The following TEX11 variants were observed in gnomAD, a reference collection of about 807,000 sequenced individuals.
The protein encoded by TEX11 is testis expressed 11, also known as testis-expressed protein 11.
A neutral mutation model predicts 84.4 loss-of-function variants in TEX11; 7 were observed. The observed-to-expected ratio is 0.08, with a 90% CI of 0.05 to 0.16. The LOEUF (loss-of-function observed/expected upper bound fraction) is 0.16, where lower values mean the gene tolerates loss of function less well. TEX11 is among the 10% of genes least tolerant of loss of function. TEX11 has a pLI of 1.00. For synonymous variants in TEX11, 264 were observed against 222.8 expected (o/e 1.18, Z -1.64); for missense variants, 551 against 660.5 (o/e 0.83, Z 1.82).
At chrX:70,769,557 A>AT (rs1041738616) in intron 9 of TEX11, among the ~76,000 whole-genome samples, 1 of 111,696 alleles carries the variant, frequency 9.0e-6, no homozygotes, top group African/African-American at 3.2e-5. Context: ...AAGGTGAATC[A>AT]TTTTTTCAAA....
At chrX:70,796,634 T>C (rs2091157266) in intron 9 of TEX11, among the ~76,000 whole-genome samples, 1 of 112,132 alleles carries the variant, frequency 8.9e-6, no homozygotes, top group Non-Finnish European at 1.9e-5. Context: ...ACTAAAGAAC[T>C]GCTGCACAGC....
chrX:70,611,446 G>A (rs2089259760), intron 20 of TEX11, among the ~76,000 whole-genome samples: 1 of 111,801 alleles, frequency 8.9e-6, no homozygotes, highest in South Asian at 3.7e-4. Flanking sequence ...GGCTCAGTGT[G>A]GACAAGTCTG....
chrX:70,785,277 G>A (rs888374249), intron 9 of TEX11, among the ~76,000 whole-genome samples: 1 of 111,720 alleles, frequency 9.0e-6, no homozygotes, highest in African/African-American at 3.3e-5. Flanking sequence ...AGCCATATGT[G>A]GAAAGCTGAA....
intron 13 of TEX11, among the ~76,000 whole-genome samples, chrX:70,717,508 AG>A (rs1272437591): frequency 3.6e-5 from 4 of 111,141 alleles, no homozygotes. Flanking sequence ...CAGTAGAGAC[AG>A]GGGTTTGCCA....
chrX:70,579,562 C>T (rs1334523990), intron 25 of TEX11, among the ~76,000 whole-genome samples: 1 of 109,123 alleles, frequency 9.2e-6, no homozygotes, highest in African/African-American at 3.3e-5. Flanking sequence ...AGACAATCCA[C>T]AGAATGGGAA....
At chrX:70,679,391 C>A (rs1207703765) in intron 14 of TEX11, among the ~76,000 whole-genome samples, 2 of 107,598 alleles carry the variant, frequency 1.9e-5, no homozygotes, top group African/African-American at 6.8e-5. Flanking sequence ...CGTCTCTGCC[C>A]GGCCGCCCAT....
chrX:70,783,677 A>G (rs1367097521), intron 9 of TEX11, among the ~76,000 whole-genome samples: 2 of 112,222 alleles, frequency 1.8e-5, no homozygotes, highest in Non-Finnish European at 3.8e-5. Context: ...ACAAACTGCC[A>G]TCAGAGAATA....
chrX:70,714,851 A>G (rs921820408), intron 13 of TEX11, among the ~76,000 whole-genome samples: 2 of 111,121 alleles, frequency 1.8e-5, no homozygotes, highest in African/African-American at 6.5e-5. Flanking sequence ...TTAGCTGGTT[A>G]TTTTGCTCGT....
chrX:70,631,944 GA>G (rs2147564498), intron 17 of TEX11, among the ~76,000 whole-genome samples: 1 of 81,480 alleles, frequency 1.2e-5, no homozygotes, highest in Non-Finnish European at 2.3e-5. Flanking sequence ...AATGCAGGGG[GA>G]AAAACAGCCA....
chrX:70,691,004 C>A (rs1448765569), intron 13 of TEX11, among the ~76,000 whole-genome samples: 2 of 111,732 alleles, frequency 1.8e-5, no homozygotes, highest in African/African-American at 6.5e-5. Context: ...AATCAAACAA[C>A]CTGATTTAAA....
intron 8 of TEX11, among the ~76,000 whole-genome samples, chrX:70,821,506 G>A (rs1448069629): frequency 1.8e-5 from 2 of 111,815 alleles, no homozygotes; most frequent in Non-Finnish European, 1.9e-5. Context: ...CTCCAGCCAT[G>A]TAGGATGCGC....
intron 13 of TEX11, among the ~76,000 whole-genome samples, chrX:70,710,560 A>G (rs1436247738): frequency 2.9e-5 from 3 of 103,722 alleles, no homozygotes; most frequent in African/African-American, 1.1e-4. Flanking sequence ...TTTTTTTTTT[A>G]GGAGGCAGTG....
chrX:70,576,960 G>A (rs2088681849), intron 25 of TEX11, among the ~76,000 whole-genome samples: 1 of 111,765 alleles, frequency 8.9e-6, no homozygotes, highest in African/African-American at 3.3e-5. Context: ...TAAAGAGTGA[G>A]CAACAGGTCA....
chrX:70,623,566 A>G (rs2089418670), intron 20 of TEX11, among the ~76,000 whole-genome samples: 1 of 111,949 alleles, frequency 8.9e-6, no homozygotes, highest in African/African-American at 3.2e-5. Context: ...CATAGATAAC[A>G]TTATTGAGGG....
At chrX:70,545,365 A>G (rs2088108776) in intron 28 of TEX11, among the ~76,000 whole-genome samples, 2 of 111,916 alleles carry the variant, frequency 1.8e-5, no homozygotes, top group African/African-American at 6.5e-5. Flanking sequence ...AAACTTTTAA[A>G]ACTTTTTGAT....
chrX:70,829,848 C>T lies in TEX11; in HGVS notation c.606+3665G>A, dbSNP rs376581211. 7.4e-5 allele frequency among the ~76,000 whole-genome samples: 8 copies of T among 107,984 alleles called. No individual in the cohort carries two copies. The East Asian group carries it at 8.7e-4, about 12-fold the overall frequency. 93.8% of individuals were successfully genotyped at this position (107,984 alleles called of 115,157 possible). A position where few individuals can be genotyped will look rare whatever the true frequency, so the allele number is the denominator to read the frequency against. ...ACGGTAACCTGAAACTGAAAAACAACGAAAATAAAAAAATAAAAAGGAAGA... is the reference window on the plus strand; with the variant it reads ...ACGGTAACCTGAAACTGAAAAACAATGAAAATAAAAAAATAAAAAGGAAGA... On this transcript the variant is annotated intron_variant, in intron 8 of 29. Transcript: ENST00000374333.
chrX:70,771,223 T>G (rs928486763), intron 9 of TEX11, among the ~76,000 whole-genome samples: 19 of 112,654 alleles, frequency 1.7e-4, no homozygotes, highest in African/African-American at 5.8e-4. Context: ...ATACTCTCAT[T>G]TTTGTTAACC....
At chrX:70,720,812 A>T (rs980445005) in intron 13 of TEX11, among the ~76,000 whole-genome samples, 2 of 107,430 alleles carry the variant, frequency 1.9e-5, no homozygotes, top group African/African-American at 6.7e-5. Context: ...TTTATGTGAA[A>T]TTTCCTGAAT....
intron 7 of TEX11, among the ~76,000 whole-genome samples, chrX:70,845,565 C>T (rs190204850): frequency 2.7e-5 from 3 of 110,965 alleles, no homozygotes; most frequent in East Asian, 2.9e-4. Flanking sequence ...CACTGGGTCA[C>T]GCCCGTAATC....
Sources: allele counts gnomAD v4.1 joint callset (sites outside exome capture counted in the v4.1 genomes callset), GRCh38; gene constraint gnomAD v4.1.1; transcripts MANE v1.5; gene names NCBI Gene and HGNC (gene_info 2026-07-23, HGNC 2026-07-21).